NFAM1: variants seen among roughly 807,000 people sequenced by gnomAD.
NFAM1 encodes NFAT activation molecule 1.
Under a neutral mutation model 29.0 loss-of-function variants are expected in NFAM1, and 17 were observed. That is an observed-to-expected ratio of 0.59 (90% CI 0.40 to 0.88). The LOEUF (loss-of-function observed/expected upper bound fraction) is 0.88. NFAM1 is among the 40% of genes least tolerant of loss of function. The pLI is 0.00. For missense variants in NFAM1, 324 were observed against 344.6 expected (o/e 0.94, Z 0.47); for synonymous variants, 175 against 147.2 (o/e 1.19, Z -1.36).
intron 3 of NFAM1, among the ~76,000 whole-genome samples, chr22:42,402,753 C>T (rs954047653): frequency 5.9e-5 from 9 of 151,328 alleles, no homozygotes; most frequent in African/African-American, 1.9e-4. Context: ...GGAATCATGG[C>T]GATTGCTGCC....
At chr22:42,418,688 GTTTT>G (rs555827191) in intron 1 of NFAM1, among the ~76,000 whole-genome samples, 1 of 144,902 alleles carries the variant, frequency 6.9e-6, no homozygotes, top group African/African-American at 2.5e-5. Context: ...AGCTATCTCT[GTTTT>G]TTTTTTTTTT....
At chr22:42,429,840 G>A (rs1167617907) in intron 1 of NFAM1, among the ~76,000 whole-genome samples, 1 of 152,226 alleles carries the variant, frequency 6.6e-6, no homozygotes, top group Non-Finnish European at 1.5e-5. Context: ...GTTACGGTCA[G>A]GGGAGGTTTG....
In NFAM1 at chr22:42,381,536, A is replaced by T. The variant is rs1417612788; in HGVS notation, c.*3625T>A. The T allele has an allele frequency of 6.6e-6, 1 of 152,434 alleles. No individual in the cohort carries two copies. Among genetic ancestry groups the T allele is most frequent in the East Asian group, 1.9e-4 (1 of 5,198 alleles). The allele number at this position is 152,434 out of a possible 1,614,324, so 9.4% of individuals were successfully genotyped here. A position where few individuals can be genotyped will look rare whatever the true frequency, so the allele number is the denominator to read the frequency against. On this transcript the variant is annotated 3_prime_UTR_variant, in exon 6 of 6. Transcript: ENST00000329021. Reference sequence around the variant, plus strand: ...TGGGCAGAGGGAAGCATCAGCTGAGACCCAGAGACAGGGCTGCCCTGCTGC... The same window carrying T: ...TGGGCAGAGGGAAGCATCAGCTGAGTCCCAGAGACAGGGCTGCCCTGCTGC...
Position 42,411,440 on chromosome 22 carries a change from C to A in NFAM1, c.418G>T (p.Val140Leu). The change falls in exon 2 of 6, where the codon GTG (valine) becomes TTG (leucine). Residue 140 changes from valine (V) to leucine (L), a missense_variant. Physicochemically the swap from Val to Leu is conservative, Grantham distance 32. Coordinates refer to ENST00000329021, the MANE Select transcript of NFAM1 (RefSeq NM_145912.8). ...AGGATGAAGGTGCCGCTGCCTCTCA[C>A]CGTGGAGTGTGGCCAGTGGACAGAG... ...YCSVHWPHSTVRGSGTFILVR... is the reference protein window; with the variant it reads ...YCSVHWPHSTLRGSGTFILVR... 6.2e-7 allele frequency: 1 copy of A among 1,614,064 alleles called. No individual in the cohort carries two copies. Among genetic ancestry groups the A allele is most frequent in the Non-Finnish European group, 8.5e-7 (1 of 1,179,962 alleles).
At chr22:42,426,176 A>G (rs1308709421) in intron 1 of NFAM1, among the ~76,000 whole-genome samples, 1 of 152,182 alleles carries the variant, frequency 6.6e-6, no homozygotes, top group Non-Finnish European at 1.5e-5. Flanking sequence ...GCACCCAGGA[A>G]GAAGGGGTGG....
intron 4 of NFAM1, among the ~76,000 whole-genome samples, chr22:42,396,915 G>T: frequency 6.6e-6 from 1 of 152,326 alleles, no homozygotes; most frequent in East Asian, 1.9e-4. Flanking sequence ...AAGCACCATC[G>T]CAGCCAGGGG....
At chr22:42,421,076 G>A (rs1930428103) in intron 1 of NFAM1, among the ~76,000 whole-genome samples, 1 of 152,222 alleles carries the variant, frequency 6.6e-6, no homozygotes, top group South Asian at 2.1e-4. Flanking sequence ...CAGAGGGCCA[G>A]ATGGCATCCC....
At position 42,385,037 on chromosome 22, in the gene NFAM1, T is replaced by G; in HGVS notation, c.*124A>C. The G allele has an allele frequency of 2.6e-6, 2 of 771,418 alleles. No homozygotes were observed. Among genetic ancestry groups the G allele is most frequent in the East Asian group, 2.4e-5 (1 of 40,894 alleles). The allele number at this position is 771,418 out of a possible 1,614,324, so 47.8% of individuals were successfully genotyped here. ...CGGCCAAGACAGGAAGGGCCTTGAA[T>G]GTGAGGGTGAAATGATGGGGTGTCC... On this transcript the variant is annotated 3_prime_UTR_variant, in exon 6 of 6. Coordinates refer to ENST00000329021, the MANE Select transcript of NFAM1 (RefSeq NM_145912.8).
chr22:42,393,575 A>AT (rs36029784), intron 4 of NFAM1, among the ~76,000 whole-genome samples: 48,750 of 140,076 alleles, frequency 0.35, 8,714 homozygotes, highest in Admixed American at 0.46. Context: ...CGCCTGACTA[A>AT]TTTTTTTTTT....
chr22:42,382,615 C>G lies in NFAM1; in HGVS notation c.*2546G>C, dbSNP rs1928994540. On this transcript the variant is annotated 3_prime_UTR_variant, in exon 6 of 6. Transcript: ENST00000329021. ...CTCCTCCCGCCTGCCCCATGCACCT[C>G]CCACCCTGAAGTTCCCTGCCACCCC... 6.6e-6 allele frequency: 1 copy of G among 152,594 alleles called. No homozygotes were observed. The highest frequency in any genetic ancestry group is 1.5e-5 in the Non-Finnish European group (1 of 68,260). 9.5% of individuals were successfully genotyped at this position (152,594 alleles called of 1,614,324 possible).
chr22:42,395,673 G>T (rs62238256), intron 4 of NFAM1, among the ~76,000 whole-genome samples: 7 of 151,702 alleles, frequency 4.6e-5, no homozygotes, highest in Non-Finnish European at 1.0e-4. Context: ...ACGAGGTCAG[G>T]AGATCGAGAC....
At chr22:42,395,840 G>A (rs1929503480) in intron 4 of NFAM1, among the ~76,000 whole-genome samples, 1 of 141,594 alleles carries the variant, frequency 7.1e-6, no homozygotes, top group Admixed American at 7.5e-5. Flanking sequence ...CCAAGATCGT[G>A]CCACTGCACT....
chr22:42,385,336 T>C, intron 5 of NFAM1, 116 bp from the exon 6 acceptor site: 1 of 770,632 alleles, frequency 1.3e-6, no homozygotes, highest in East Asian at 2.5e-5. Flanking sequence ...CCTGTGTAGC[T>C]TTGATGGGGG....
In NFAM1 at chr22:42,388,541, C is replaced by T. The variant is rs1406060191; in HGVS notation, c.664-1463G>A. ...CTGAGTGTACGTGTCATATGGATGCCGGCTGGTTGCCAAGGAGGCGGTTTC... is the reference window on the plus strand; with the variant it reads ...CTGAGTGTACGTGTCATATGGATGCTGGCTGGTTGCCAAGGAGGCGGTTTC... On this transcript the variant is annotated intron_variant, in intron 4 of 5. Coordinates refer to ENST00000329021, the MANE Select transcript of NFAM1 (RefSeq NM_145912.8). The surrounding 1 kb of genome is among the most constrained non-coding windows in gnomAD (Gnocchi z 4.1). Among the ~76,000 whole-genome samples the T allele has an allele frequency of 6.6e-6, 1 of 151,624 alleles. No individual in the cohort carries two copies. Among genetic ancestry groups the T allele is most frequent in the East Asian group, 2.0e-4 (1 of 5,126 alleles).
intron 3 of NFAM1, among the ~76,000 whole-genome samples, chr22:42,402,242 T>C (rs1244392042): frequency 2.0e-5 from 3 of 152,050 alleles, no homozygotes; most frequent in Non-Finnish European, 2.9e-5. Flanking sequence ...CGAGCACAAC[T>C]CCAAGGCTTG....
chr22:42,432,331 C>T lies in NFAM1; in HGVS notation c.27G>A (p.Arg9=), dbSNP rs762002958. 2.5e-6 allele frequency: 4 copies of T among 1,578,624 alleles called. No individual in the cohort carries two copies. The highest frequency in any genetic ancestry group is 3.4e-6 in the Non-Finnish European group (4 of 1,162,338). Residue 9 remains arginine, a synonymous_variant, in exon 1 of 6, where the codon CGG becomes CGA. Transcript: ENST00000329021. MENQPVRW[R]ALPGLPRPPG... ...GAGGGCGTGGGAGGCCTGGCAGGGC[C>T]CGCCACCTCACAGGCTGGTTCTCCA...
intron 3 of NFAM1, among the ~76,000 whole-genome samples, chr22:42,403,419 G>A (rs1409715977): frequency 6.6e-6 from 1 of 152,226 alleles, no homozygotes; most frequent in South Asian, 2.1e-4. Context: ...TAGGTGCTCA[G>A]CTCTGTCGCC....
At chr22:42,400,943 C>T (rs537250271) in intron 3 of NFAM1, among the ~76,000 whole-genome samples, 4 of 152,200 alleles carry the variant, frequency 2.6e-5, no homozygotes, top group South Asian at 4.1e-4. Context: ...TTGGACCTGC[C>T]GGGGCTGGAA....
At chr22:42,390,508 G>A (rs1170368002) in intron 4 of NFAM1, among the ~76,000 whole-genome samples, 1 of 152,074 alleles carries the variant, frequency 6.6e-6, no homozygotes, top group Non-Finnish European at 1.5e-5. Flanking sequence ...TCCCATGAGG[G>A]TAGAGAGCTG....
Sources: allele counts gnomAD v4.1 joint callset (sites outside exome capture counted in the v4.1 genomes callset), GRCh38; gene constraint gnomAD v4.1.1; non-coding constraint Gnocchi (gnomAD v3.1); transcripts MANE v1.5; gene names NCBI Gene and HGNC (gene_info 2026-07-23, HGNC 2026-07-21).